Variants in SLC35F1 observed in about 807,000 individuals in gnomAD.
SLC35F1 encodes the protein solute carrier family 35 member F1.
Under a neutral mutation model 48.7 loss-of-function variants are expected in SLC35F1, and 14 were observed. The ratio of observed to expected loss-of-function variants is 0.29; its 90% CI spans 0.19 to 0.45. SLC35F1 has a LOEUF of 0.45. Ranked by LOEUF, SLC35F1 falls within the 20% of genes least tolerant of loss-of-function variation. SLC35F1 has a pLI of 1.00. For missense variants in SLC35F1, 404 were observed against 500.0 expected (o/e 0.81, Z 1.83); for synonymous variants, 190 against 202.2 (o/e 0.94, Z 0.51).
chr6:117,955,605 A>G (rs1447456425), intron 1 of SLC35F1, among the ~76,000 whole-genome samples: 1 of 152,206 alleles, frequency 6.6e-6, no homozygotes, highest in Non-Finnish European at 1.5e-5. Flanking sequence ...ATGCTGTTCC[A>G]AGAACTTTCT....
At chr6:118,101,297 T>C (rs1773255168) in intron 1 of SLC35F1, among the ~76,000 whole-genome samples, 1 of 151,918 alleles carries the variant, frequency 6.6e-6, no homozygotes, top group Non-Finnish European at 1.5e-5. Flanking sequence ...TTACAAGGAG[T>C]TCACAGGCAG....
intron 2 of SLC35F1, among the ~76,000 whole-genome samples, chr6:118,168,661 G>T (rs1347987342): frequency 6.6e-6 from 1 of 152,070 alleles, no homozygotes; most frequent in African/African-American, 2.4e-5. Context: ...GTTATATATA[G>T]GTCAGTGGTC....
chr6:118,198,320 T>A (rs1434866806), intron 2 of SLC35F1, among the ~76,000 whole-genome samples: 1 of 152,218 alleles, frequency 6.6e-6, no homozygotes, highest in Non-Finnish European at 1.5e-5. Flanking sequence ...CATGACATCT[T>A]TCAGATCTTC....
intron 1 of SLC35F1, among the ~76,000 whole-genome samples, chr6:117,911,508 T>G (rs2114793651): frequency 6.6e-6 from 1 of 150,488 alleles, no homozygotes; most frequent in South Asian, 2.1e-4. Context: ...TGATCACAAC[T>G]TATTGCAGCC....
chr6:118,124,720 C>G (rs1343252938), intron 1 of SLC35F1, among the ~76,000 whole-genome samples: 1 of 152,050 alleles, frequency 6.6e-6, no homozygotes, highest in Non-Finnish European at 1.5e-5. Context: ...ACATTTTTTT[C>G]TTCTCCTTTT....
chr6:118,176,799 G>C (rs751502190), intron 2 of SLC35F1, among the ~76,000 whole-genome samples: 9 of 151,852 alleles, frequency 5.9e-5, no homozygotes, highest in Non-Finnish European at 1.3e-4. Context: ...CTTTATGTTG[G>C]CACCTTCCCT....
chr6:117,932,509 T>C (rs1776115561), intron 1 of SLC35F1, among the ~76,000 whole-genome samples: 1 of 152,160 alleles, frequency 6.6e-6, no homozygotes, highest in South Asian at 2.1e-4. Flanking sequence ...AAAGCTTCTG[T>C]CATCTCTTCT....
chr6:117,932,357 T>C (rs993409027), intron 1 of SLC35F1, among the ~76,000 whole-genome samples: 10 of 152,184 alleles, frequency 6.6e-5, no homozygotes, highest in African/African-American at 2.4e-4. Flanking sequence ...TATTTCAAGG[T>C]ATAAGAAACT....
chr6:117,975,333 A>C (rs1297665330), intron 1 of SLC35F1, among the ~76,000 whole-genome samples: 1 of 152,248 alleles, frequency 6.6e-6, no homozygotes, highest in East Asian at 1.9e-4. Flanking sequence ...TGCATTATAA[A>C]TGCTTAAAGA....
In SLC35F1 at chr6:117,913,370, G is replaced by A. The variant is rs562720464; in HGVS notation, c.173+5471G>A. Among the ~76,000 whole-genome samples, 12 of 152,292 alleles carry A rather than the reference G, an allele frequency of 7.9e-5. No individual in the cohort carries two copies. In the South Asian group the frequency reaches 1.5e-3, roughly 18 times the overall value. On this transcript the variant is annotated intron_variant, in intron 1 of 7. Transcript: ENST00000360388. The stretch of plus-strand genomic sequence containing the variant: ...TTCTTATGGAATACACACATGTGAC[G>A]AAACATTATTCTTGGGCCAAAACCT...
chr6:118,051,590 A>C (rs1772392950), intron 1 of SLC35F1, among the ~76,000 whole-genome samples: 1 of 152,180 alleles, frequency 6.6e-6, no homozygotes, highest in South Asian at 2.1e-4. Context: ...GTTATGAAAA[A>C]ATGTAAAATA....
At chr6:118,249,875 T>C (rs1419937870) in intron 3 of SLC35F1, among the ~76,000 whole-genome samples, 1 of 152,058 alleles carries the variant, frequency 6.6e-6, no homozygotes, top group East Asian at 1.9e-4. Flanking sequence ...CTGTGAGTAG[T>C]TTAGGAGCTG....
chr6:118,291,276 C>A (rs937616967), intron 7 of SLC35F1, among the ~76,000 whole-genome samples: 10 of 101,928 alleles, frequency 9.8e-5, no homozygotes, highest in Non-Finnish European at 1.5e-4. Flanking sequence ...CACACACACA[C>A]ACACACACAT....
chr6:118,289,358 C>T (rs993346848), intron 7 of SLC35F1, among the ~76,000 whole-genome samples: 8 of 152,142 alleles, frequency 5.3e-5, no homozygotes, highest in African/African-American at 1.9e-4. Flanking sequence ...CAGAGATAAA[C>T]ACCCAAGAGT....
chr6:118,030,731 C>G (rs1772033315), intron 1 of SLC35F1, among the ~76,000 whole-genome samples: 1 of 152,072 alleles, frequency 6.6e-6, no homozygotes, highest in African/African-American at 2.4e-5. Context: ...TAGGGATTCT[C>G]TCAAATGTAA....
intron 1 of SLC35F1, among the ~76,000 whole-genome samples, chr6:117,978,619 A>T (rs976603758): frequency 7.9e-5 from 12 of 152,146 alleles, no homozygotes; most frequent in Non-Finnish European, 1.2e-4. Flanking sequence ...GACCTAAGTC[A>T]GCTTTCCTCT....
At chr6:118,222,891 G>A (rs1191106529) in intron 2 of SLC35F1, among the ~76,000 whole-genome samples, 2 of 152,056 alleles carry the variant, frequency 1.3e-5, no homozygotes, top group African/African-American at 2.4e-5. Flanking sequence ...GATATTTCAG[G>A]CTTAACTTGT....
Position 118,314,282 on chromosome 6 carries a change from A to T in SLC35F1, c.*30A>T, listed in dbSNP as rs768143652. ...AGGCCCGCCCTGCCAACTGAGGCCAACTCATTGGCCATGTTTTTGCCCATC... is the reference window on the plus strand; with the variant it reads ...AGGCCCGCCCTGCCAACTGAGGCCATCTCATTGGCCATGTTTTTGCCCATC... On this transcript the variant is annotated 3_prime_UTR_variant, in exon 8 of 8. Transcript: ENST00000360388. 2.5e-6 allele frequency: 4 copies of T among 1,592,692 alleles called. No individual in the cohort carries two copies. The highest frequency in any genetic ancestry group is 3.4e-6 in the Non-Finnish European group (4 of 1,160,780).
chr6:118,024,755 A>G (rs898884099), intron 1 of SLC35F1, among the ~76,000 whole-genome samples: 5 of 152,192 alleles, frequency 3.3e-5, no homozygotes, highest in African/African-American at 1.2e-4. Context: ...CTTAGAACAA[A>G]TATTAAAAGT....
Sources: gnomAD v4.1 joint callset for allele counts (sites outside exome capture counted in the v4.1 genomes callset) on GRCh38, gnomAD v4.1.1 for gene constraint, MANE v1.5 for transcripts, NCBI Gene and HGNC (gene_info 2026-07-23, HGNC 2026-07-21) for gene names.